Variants in VAV3 observed in about 807,000 individuals in gnomAD.
VAV3 encodes guanine nucleotide exchange factor VAV3.
A neutral mutation model predicts 131.2 loss-of-function variants in VAV3; 94 were observed. The observed-to-expected ratio is 0.72, with a 90% CI of 0.61 to 0.85. The LOEUF (loss-of-function observed/expected upper bound fraction) is 0.85. Among genes scored for constraint, VAV3 ranks in the 40% least tolerant of loss-of-function variants. The pLI, the probability that VAV3 is intolerant of heterozygous loss-of-function variation, is 0.00. For synonymous variants in VAV3, 349 were observed against 342.0 expected (o/e 1.02, Z -0.22); for missense variants, 939 against 1,002.7 (o/e 0.94, Z 0.86).
chr1:107,651,485 T>C (rs1160101512), intron 19 of VAV3, among the ~76,000 whole-genome samples: 1 of 150,498 alleles, frequency 6.6e-6, no homozygotes, highest in Non-Finnish European at 1.5e-5. Context: ...GGTTGTGCTC[T>C]TTATCTCAAT....
At chr1:107,875,819 G>GT (rs1482884113) in intron 1 of VAV3, among the ~76,000 whole-genome samples, 2 of 152,176 alleles carry the variant, frequency 1.3e-5, no homozygotes, top group Non-Finnish European at 2.9e-5. Context: ...AATAACCCAG[G>GT]TGAGAGACAA....
At chr1:107,878,776 T>G (rs542800735) in intron 1 of VAV3, among the ~76,000 whole-genome samples, 2 of 152,316 alleles carry the variant, frequency 1.3e-5, no homozygotes, top group East Asian at 3.9e-4. Context: ...CCCCCCTTTA[T>G]AGCAGTAAGT....
chr1:107,899,488 TGTGAAGG>T (rs1263194172), intron 1 of VAV3, among the ~76,000 whole-genome samples: 1 of 152,118 alleles, frequency 6.6e-6, no homozygotes, highest in African/African-American at 2.4e-5. Flanking sequence ...TGGGATGCAT[TGTGAAGG>T]GCTACAAAGG....
intron 20 of VAV3, among the ~76,000 whole-genome samples, chr1:107,641,839 T>A (rs1005458698): frequency 1.3e-5 from 2 of 152,170 alleles, no homozygotes; most frequent in African/African-American, 4.8e-5. Context: ...TAGGAATTTT[T>A]AATAAAAATG....
At chr1:107,700,072 C>T (rs1398101482) in intron 17 of VAV3, among the ~76,000 whole-genome samples, 2 of 152,148 alleles carry the variant, frequency 1.3e-5, no homozygotes, top group African/African-American at 2.4e-5. Context: ...GAGTTGTTGG[C>T]AAGGCAGCAT....
In VAV3 at chr1:107,572,742, G is replaced by A. The variant is rs900137130; in HGVS notation, c.*589C>T. The A allele has an allele frequency of 5.2e-5, 8 of 152,644 alleles. No homozygotes were observed. The highest frequency in any genetic ancestry group is 1.9e-4 in the African/African-American group (8 of 41,420). The allele number at this position is 152,644 out of a possible 1,614,324, so 9.5% of individuals were successfully genotyped here. On this transcript the variant is annotated 3_prime_UTR_variant, in exon 27 of 27. Transcript: ENST00000370056. ...CACTTATGATGCAAACCTGAGCACTGGCCTCATATTTTATAATATCATGAG... is the reference window on the plus strand; with the variant it reads ...CACTTATGATGCAAACCTGAGCACTAGCCTCATATTTTATAATATCATGAG...
In VAV3 at chr1:107,885,743, C is replaced by T. The variant is rs1392589151; in HGVS notation, c.205-10726G>A. Among the ~76,000 whole-genome samples the T allele has an allele frequency of 7.8e-4, 118 of 152,108 alleles. 1 individual carries two copies. The highest frequency in any genetic ancestry group is 7.7e-3 in the Admixed American group (118 of 15,272). On this transcript the variant is annotated intron_variant, in intron 1 of 26. Coordinates refer to ENST00000370056, the MANE Select transcript of VAV3 (RefSeq NM_006113.5). The stretch of plus-strand genomic sequence containing the variant: ...GGGCACAGACAGGTAAAACAACTGG[C>T]CCTACCTCACATAGCCAGTAAGTGA...
In VAV3 at chr1:107,642,708, G is replaced by A. The variant is rs1347425056; in HGVS notation, c.1825C>T (p.Pro609Ser). 2 of 1,613,372 alleles carry A rather than the reference G, an allele frequency of 1.2e-6. No homozygotes were observed. The highest frequency in any genetic ancestry group is 1.7e-6 in the Non-Finnish European group (2 of 1,179,678). The change falls in exon 20 of 27, where the codon CCA becomes TCA. Residue 609 changes from proline to serine, a missense_variant. Physicochemically the swap from Pro to Ser is moderately conservative, Grantham distance 74. Coordinates refer to ENST00000370056, the MANE Select transcript of VAV3 (RefSeq NM_006113.5). ...AAAGGGGGTCCTTCATGCAGAGCTG[G>A]GGGTGGTGTTCCAGAATAGTTCCTA... ...VIRNYSGTPPPALHEGPPLQL... is the reference protein window; with the variant it reads ...VIRNYSGTPPSALHEGPPLQL...
At chr1:107,830,229 G>C (rs1668193330) in intron 2 of VAV3, among the ~76,000 whole-genome samples, 1 of 149,236 alleles carries the variant, frequency 6.7e-6, no homozygotes, top group South Asian at 2.1e-4. Flanking sequence ...TTGAGACAAA[G>C]TCTTGCTCTA....
intron 2 of VAV3, among the ~76,000 whole-genome samples, chr1:107,822,753 A>G (rs755374577): frequency 3.3e-5 from 5 of 152,168 alleles, no homozygotes; most frequent in Non-Finnish European, 5.9e-5. Context: ...GTAATAGTCC[A>G]GGCAAAAGAT....
intron 15 of VAV3, among the ~76,000 whole-genome samples, chr1:107,735,749 C>T (rs777340046): frequency 3.9e-5 from 6 of 152,190 alleles, no homozygotes; most frequent in South Asian, 2.1e-4. Flanking sequence ...CAAGACCAGA[C>T]GGATTCACAA....
intron 1 of VAV3, 149 bp downstream of exon 1, chr1:107,964,517 A>G (rs1374595812): frequency 3.6e-6 from 3 of 833,432 alleles, no homozygotes; most frequent in Non-Finnish European, 5.4e-6. Context: ...AGGAAACGCC[A>G]AAGTGGTGCC....
In VAV3 at chr1:107,668,778, T is replaced by A. The variant is rs1021576011; in HGVS notation, c.1777+14710A>T. 8.1e-6 allele frequency: 8 copies of A among 984,350 alleles called. No homozygotes were observed. The African/African-American group carries it at 1.0e-4, about 13-fold the overall frequency. The allele number at this position is 984,350 out of a possible 1,614,324, so 61.0% of individuals were successfully genotyped here. A position where few individuals can be genotyped will look rare whatever the true frequency, so the allele number is the denominator to read the frequency against. On this transcript the variant is annotated intron_variant, in intron 19 of 26. Coordinates refer to ENST00000370056, the MANE Select transcript of VAV3 (RefSeq NM_006113.5). ...TAGGTGTTTCAGTATGAATTTCTAATGTCTAACATTAACTTTAGCTTATAT... is the reference window on the plus strand; with the variant it reads ...TAGGTGTTTCAGTATGAATTTCTAAAGTCTAACATTAACTTTAGCTTATAT...
chr1:107,877,313 G>A (rs1157708882), intron 1 of VAV3, among the ~76,000 whole-genome samples: 2 of 152,084 alleles, frequency 1.3e-5, no homozygotes, highest in Non-Finnish European at 2.9e-5. Flanking sequence ...TTATGCAACT[G>A]CTCTCTTGCA....
At chr1:107,635,475 TGGGGGGA>T (rs1654848602) in intron 20 of VAV3, among the ~76,000 whole-genome samples, 1 of 52,474 alleles carries the variant, frequency 1.9e-5, no homozygotes. Flanking sequence ...TGTTGTGGGG[TGGGGGGA>T]GGGGGGAGGG....
At chr1:107,606,807 T>G (rs1460855688) in intron 22 of VAV3, among the ~76,000 whole-genome samples, 1 of 145,074 alleles carries the variant, frequency 6.9e-6, no homozygotes, top group Admixed American at 6.9e-5. Context: ...TTTCTTCTTT[T>G]TTTTTTTTTT....
intron 1 of VAV3, among the ~76,000 whole-genome samples, chr1:107,932,280 A>G (rs1175156868): frequency 6.6e-6 from 1 of 152,256 alleles, no homozygotes; most frequent in African/African-American, 2.4e-5. Context: ...TTCAAGGTGA[A>G]TGACACCTTA....
intron 25 of VAV3, chr1:107,578,672 G>T: frequency 1.9e-6 from 1 of 519,634 alleles, no homozygotes; most frequent in Non-Finnish European, 2.5e-6. Context: ...GCAGTTACAC[G>T]ATCTCGGCTC....
chr1:107,678,957 T>C (rs1658414578), intron 19 of VAV3, among the ~76,000 whole-genome samples: 2 of 152,156 alleles, frequency 1.3e-5, no homozygotes, highest in African/African-American at 4.8e-5. Context: ...TATACATGCA[T>C]TTATGCAATC....
Sources: gnomAD v4.1 joint callset for allele counts (sites outside exome capture counted in the v4.1 genomes callset) on GRCh38, gnomAD v4.1.1 for gene constraint, MANE v1.5 for transcripts, NCBI Gene and HGNC (gene_info 2026-07-23, HGNC 2026-07-21) for gene names.